SMCO2: variants seen among roughly 807,000 people sequenced by gnomAD.
SMCO2 encodes the protein single-pass membrane protein with coiled-coil domains 2.
SMCO2 carries 25 observed loss-of-function variants against 29.5 expected under a neutral mutation model. That is an observed-to-expected ratio of 0.85 (90% CI 0.62 to 1.18). SMCO2 has a LOEUF of 1.18. Ranked by LOEUF, SMCO2 falls within the 50% of genes most tolerant of loss-of-function variation. The pLI, the probability that SMCO2 is intolerant of heterozygous loss-of-function variation, is 0.00. For synonymous variants in SMCO2, 117 were observed against 123.3 expected (o/e 0.95, Z 0.34); for missense variants, 348 against 344.5 (o/e 1.01, Z -0.08).
the SMCO2 span, among the ~76,000 whole-genome samples, chr12:27,455,129 C>T: frequency 9.2e-5 from 14 of 152,120 alleles, no homozygotes; most frequent in Admixed American, 7.9e-4. Flanking sequence ...GTTCTGGAGG[C>T]CCCAGACTGT....
chr12:27,473,423 C>A (rs557472623), intron 3 of SMCO2, among the ~76,000 whole-genome samples: 27 of 152,246 alleles, frequency 1.8e-4, no homozygotes, highest in African/African-American at 6.5e-4. Flanking sequence ...GGATGTTTGT[C>A]ATTGGATTTA....
At chr12:27,482,589 C>T (rs1949654721) in intron 4 of SMCO2, among the ~76,000 whole-genome samples, 1 of 152,226 alleles carries the variant, frequency 6.6e-6, no homozygotes, top group South Asian at 2.1e-4. Context: ...GCATGAGCCA[C>T]CACACCCGGC....
chr12:27,423,906 T>C, the SMCO2 span: 2 of 152,196 alleles, frequency 1.3e-5, no homozygotes, highest in Non-Finnish European at 2.9e-5. Flanking sequence ...TAGCCACATG[T>C]GGCTACTGAG....
intron 4 of SMCO2, among the ~76,000 whole-genome samples, chr12:27,476,603 A>T (rs954059613): frequency 4.6e-5 from 7 of 151,994 alleles, no homozygotes; most frequent in Non-Finnish European, 8.8e-5. Context: ...TCCTTTTGTC[A>T]TTATATAATA....
chr12:27,436,567 A>G, the SMCO2 span, among the ~76,000 whole-genome samples: 1 of 152,188 alleles, frequency 6.6e-6, no homozygotes, highest in Admixed American at 6.5e-5. Context: ...AACAAAAGAA[A>G]GGAAAGACTG....
chr12:27,484,869 AAAATATATAT>A (rs1949675241), intron 4 of SMCO2, among the ~76,000 whole-genome samples: 1 of 103,830 alleles, frequency 9.6e-6, no homozygotes, highest in Admixed American at 9.8e-5. Flanking sequence ...AAAAAAAAAA[AAAATATATAT>A]ATATATATAT....
intron 6 of SMCO2, among the ~76,000 whole-genome samples, chr12:27,495,179 T>G (rs1387953505): frequency 6.6e-6 from 1 of 152,160 alleles, no homozygotes; most frequent in Non-Finnish European, 1.5e-5. Flanking sequence ...TCACCAAACC[T>G]CAGACACTCT....
chr12:27,433,111 A>G, the SMCO2 span, among the ~76,000 whole-genome samples: 1 of 152,212 alleles, frequency 6.6e-6, no homozygotes, highest in Non-Finnish European at 1.5e-5. Context: ...GGTCTCCACA[A>G]AAATGTATAA....
At chr12:27,460,603 C>A in the SMCO2 span, among the ~76,000 whole-genome samples, 2 of 151,982 alleles carry the variant, frequency 1.3e-5, no homozygotes. Context: ...GGGGGTTGGT[C>A]TTGCTGTCTC....
intron 5 of SMCO2, among the ~76,000 whole-genome samples, chr12:27,489,892 G>A (rs1380907694): frequency 6.6e-6 from 1 of 152,170 alleles, no homozygotes; most frequent in African/African-American, 2.4e-5. Context: ...GCAGGTGCGG[G>A]GAGGGAGGAA....
In SMCO2 at chr12:27,472,811, TAGAC is replaced by T; in HGVS notation, c.174_177del (p.Ser60MetfsTer23). On this transcript the variant is annotated frameshift_variant, in exon 3 of 8. Transcript: ENST00000298876. LOFTEE classifies it high-confidence loss of function. ...GAAATTATCAAAGTGGACCACATCT[TAGAC>T]AGATCGGATGATGAGGATGACATTT... The T allele has an allele frequency of 6.4e-7, 1 of 1,550,844 alleles. No homozygotes were observed. Among genetic ancestry groups the T allele is most frequent in the Non-Finnish European group, 8.7e-7 (1 of 1,146,458 alleles).
the SMCO2 span, among the ~76,000 whole-genome samples, chr12:27,454,089 A>G: frequency 1.3e-5 from 2 of 152,056 alleles, no homozygotes; most frequent in Non-Finnish European, 2.9e-5. Flanking sequence ...GGCTCAAGTG[A>G]TCCTCCCACC....
intron 7 of SMCO2, among the ~76,000 whole-genome samples, chr12:27,501,473 A>AT (rs1459001508): frequency 6.7e-6 from 1 of 149,192 alleles, no homozygotes; most frequent in Admixed American, 6.6e-5. Context: ...AGCTTCTATT[A>AT]TTTTACAAAT....
chr12:27,479,670 A>G (rs988443954), intron 4 of SMCO2, among the ~76,000 whole-genome samples: 1 of 152,016 alleles, frequency 6.6e-6, no homozygotes, highest in Non-Finnish European at 1.5e-5. Flanking sequence ...GGGAGCGGGT[A>G]TTTCCTGTGC....
chr12:27,453,220 T>A, the SMCO2 span, among the ~76,000 whole-genome samples: 1 of 152,196 alleles, frequency 6.6e-6, no homozygotes, highest in Non-Finnish European at 1.5e-5. Flanking sequence ...ATGTTCCGTG[T>A]CAGCCCTCCA....
chr12:27,478,605 C>CGG (rs1949611617), intron 4 of SMCO2, among the ~76,000 whole-genome samples: 1 of 151,742 alleles, frequency 6.6e-6, no homozygotes, highest in South Asian at 2.1e-4. Context: ...TGGGTAGATA[C>CGG]CAGTGATGGC....
At chr12:27,439,775 T>A in the SMCO2 span, among the ~76,000 whole-genome samples, 3 of 152,150 alleles carry the variant, frequency 2.0e-5, no homozygotes, top group South Asian at 4.2e-4. Context: ...GCTTGAAGAC[T>A]GGCATTTGAA....
intron 4 of SMCO2, among the ~76,000 whole-genome samples, chr12:27,477,819 TTTGTATTGC>T (rs1949603484): frequency 6.6e-6 from 1 of 152,134 alleles, no homozygotes; most frequent in Non-Finnish European, 1.5e-5. Flanking sequence ...TCTTGACTTC[TTTGTATTGC>T]TTACCTGTGT....
At chr12:27,483,217 C>G (rs545914538) in intron 4 of SMCO2, among the ~76,000 whole-genome samples, 29 of 152,156 alleles carry the variant, frequency 1.9e-4, no homozygotes, top group Non-Finnish European at 3.7e-4. Flanking sequence ...TGGATTTTCT[C>G]TCTACCTCTA....
Sources: allele counts gnomAD v4.1 joint callset (sites outside exome capture counted in the v4.1 genomes callset), GRCh38; gene constraint gnomAD v4.1.1; transcripts MANE v1.5; gene names NCBI Gene and HGNC (gene_info 2026-07-23, HGNC 2026-07-21).